Variants in PRKN observed in about 807,000 individuals in gnomAD.
PRKN encodes E3 ubiquitin-protein ligase parkin.
In PRKN, 56 loss-of-function variants were observed where a neutral mutation model predicts 59.5. The observed-to-expected ratio is 0.94, with a 90% CI of 0.76 to 1.18. PRKN has a LOEUF of 1.18. PRKN is among the 50% of genes most tolerant of loss of function. PRKN has a pLI of 0.00. For missense variants in PRKN, 657 were observed against 596.4 expected (o/e 1.10, Z -1.06); for synonymous variants, 250 against 222.1 (o/e 1.13, Z -1.12).
chr6:161,883,929 A>G (rs1583296891), intron 6 of PRKN, among the ~76,000 whole-genome samples: 1 of 152,318 alleles, frequency 6.6e-6, no homozygotes, highest in East Asian at 1.9e-4. Flanking sequence ...CTGGGATTAC[A>G]GGCATGAGCC....
intron 1 of PRKN, among the ~76,000 whole-genome samples, chr6:162,467,223 C>G (rs892453553): frequency 6.6e-6 from 1 of 152,124 alleles, no homozygotes; most frequent in Non-Finnish European, 1.5e-5. Flanking sequence ...ATATCAAACA[C>G]AATTCATCAT....
intron 1 of PRKN, among the ~76,000 whole-genome samples, chr6:162,610,859 T>C (rs1382915769): frequency 6.6e-6 from 1 of 152,166 alleles, no homozygotes; most frequent in East Asian, 1.9e-4. Context: ...GGTAACATTT[T>C]TTAAAAATCA....
At position 161,470,614 on chromosome 6, in the gene PRKN, C is replaced by G. The variant is rs917885344; in HGVS notation, c.1083+78240G>C. Among the ~76,000 whole-genome samples, 1 of 152,224 alleles carries G rather than the reference C, an allele frequency of 6.6e-6. No homozygotes were observed. The highest frequency in any genetic ancestry group is 1.5e-5 in the Non-Finnish European group (1 of 68,030). ...GCAAAGAGTCTGTGGAGCTAAAAAGCTGCACCCACAACAGCACATGCTTGC... is the reference window on the plus strand; with the variant it reads ...GCAAAGAGTCTGTGGAGCTAAAAAGGTGCACCCACAACAGCACATGCTTGC... On this transcript the variant is annotated intron_variant, in intron 9 of 11. Transcript: ENST00000366898. This position sits in a 1 kb window ranked among gnomAD's most constrained non-coding sequence, Gnocchi z 5.1.
chr6:162,557,651 A>T (rs1263578856), intron 1 of PRKN, among the ~76,000 whole-genome samples: 1 of 152,066 alleles, frequency 6.6e-6, no homozygotes, highest in Admixed American at 6.5e-5. Flanking sequence ...TGGGATTATC[A>T]GGCGCCCGCC....
chr6:162,435,240 C>CT (rs1395436468), intron 2 of PRKN, among the ~76,000 whole-genome samples: 1 of 152,126 alleles, frequency 6.6e-6, no homozygotes, highest in African/African-American at 2.4e-5. Context: ...CATTGCTTGC[C>CT]TTGGAATGTG....
chr6:162,603,724 T>C, intron 1 of PRKN, among the ~76,000 whole-genome samples: 1 of 152,146 alleles, frequency 6.6e-6, no homozygotes, highest in East Asian at 1.9e-4. Flanking sequence ...TTCTTTTTAC[T>C]GAGATGTATA....
Position 161,354,432 on chromosome 6 carries a change from A to G in PRKN, c.1286-4221T>C, listed in dbSNP as rs1784677117. On this transcript the variant is annotated intron_variant, in intron 11 of 11. Transcript: ENST00000366898. This position sits in a 1 kb window ranked among gnomAD's most constrained non-coding sequence, Gnocchi z 6.7. The stretch of plus-strand genomic sequence containing the variant: ...GGCTCCGGCCAGCAATTCTTCCACT[A>G]GATTTAATGAGAGCGTGGAAGTCCC... 6.6e-6 allele frequency among the ~76,000 whole-genome samples: 1 copy of G among 152,178 alleles called. No homozygotes were observed. Among genetic ancestry groups the G allele is most frequent in the Non-Finnish European group, 1.5e-5 (1 of 68,040 alleles).
intron 2 of PRKN, among the ~76,000 whole-genome samples, chr6:162,293,408 G>A (rs948507112): frequency 6.6e-6 from 1 of 152,200 alleles, no homozygotes; most frequent in Non-Finnish European, 1.5e-5. Flanking sequence ...ACACAGATTT[G>A]GAATTCTAAA....
chr6:162,031,918 AC>A (rs1326608070), intron 5 of PRKN, among the ~76,000 whole-genome samples: 3 of 152,086 alleles, frequency 2.0e-5, no homozygotes, highest in Non-Finnish European at 4.4e-5. Flanking sequence ...ATAATTCAGA[AC>A]CCAGTTAGCT....
At chr6:161,628,431 A>G (rs967063670) in intron 7 of PRKN, among the ~76,000 whole-genome samples, 3 of 152,210 alleles carry the variant, frequency 2.0e-5, no homozygotes, top group Non-Finnish European at 4.4e-5. Flanking sequence ...CCCTTTTATA[A>G]GAACACTAAT....
intron 2 of PRKN, among the ~76,000 whole-genome samples, chr6:162,407,692 C>T (rs1372305737): frequency 6.6e-6 from 1 of 152,088 alleles, no homozygotes; most frequent in East Asian, 1.9e-4. Context: ...GGGCTAATGA[C>T]TGACACAGTT....
At position 161,420,731 on chromosome 6, in the gene PRKN, A is replaced by G. The variant is rs115924602; in HGVS notation, c.1084-33854T>C. Among the ~76,000 whole-genome samples the G allele has an allele frequency of 3.2e-3, 480 of 152,088 alleles. 2 individuals are homozygous for G. Among genetic ancestry groups the G allele is most frequent in the African/African-American group, 0.011 (458 of 41,462 alleles). On this transcript the variant is annotated intron_variant, in intron 9 of 11. Transcript: ENST00000366898. ...CCCTATGTTGCCCAGTCTGGTTTCAAACTTCTGGGCTCCAGTGATTTCCCC... is the reference window on the plus strand; with the variant it reads ...CCCTATGTTGCCCAGTCTGGTTTCAGACTTCTGGGCTCCAGTGATTTCCCC...
chr6:162,670,481 C>G (rs1027422562), intron 1 of PRKN, among the ~76,000 whole-genome samples: 2 of 152,182 alleles, frequency 1.3e-5, no homozygotes, highest in African/African-American at 2.4e-5. Flanking sequence ...AGAACATGGT[C>G]ACAAAACAGC....
At chr6:162,265,914 C>A (rs532945487) in intron 2 of PRKN, among the ~76,000 whole-genome samples, 1 of 152,260 alleles carries the variant, frequency 6.6e-6, no homozygotes, top group South Asian at 2.1e-4. Flanking sequence ...TAATGGCAGA[C>A]AGTCCTCTAT....
intron 1 of PRKN, among the ~76,000 whole-genome samples, chr6:162,518,693 T>C (rs900936594): frequency 5.3e-5 from 8 of 152,240 alleles, no homozygotes; most frequent in East Asian, 3.9e-4. Context: ...GAGAAGCAAA[T>C]AGTCCTCTAA....
In PRKN at chr6:161,445,148, CCGCGGCGCTGA is replaced by C. The variant is rs1300070775; in HGVS notation, c.1084-58282_1084-58272del. ...CTTGACGTGCTCAGCCTCTCCAAAG[CCGCGGCGCTGA>C]CACAGCTCCCCCTGCACGAGTGTAC... On this transcript the variant is annotated intron_variant, in intron 9 of 11. Coordinates refer to ENST00000366898, the MANE Select transcript of PRKN (RefSeq NM_004562.3). The surrounding 1 kb of genome is among the most constrained non-coding windows in gnomAD (Gnocchi z 7.7). 6.6e-6 allele frequency among the ~76,000 whole-genome samples: 1 copy of C among 152,172 alleles called. No homozygotes were observed. The highest frequency in any genetic ancestry group is 1.5e-5 in the Non-Finnish European group (1 of 68,040).
chr6:162,010,308 T>C (rs1453566414), intron 5 of PRKN, among the ~76,000 whole-genome samples: 1 of 124,020 alleles, frequency 8.1e-6, no homozygotes, highest in Non-Finnish European at 1.6e-5. Context: ...ATTTATTATA[T>C]ATATTTTATA....
At chr6:162,375,578 A>C (rs1318932064) in intron 2 of PRKN, among the ~76,000 whole-genome samples, 1 of 152,106 alleles carries the variant, frequency 6.6e-6, no homozygotes, top group African/African-American at 2.4e-5. Context: ...CACCCAGTTA[A>C]GTATACTGTA....
At chr6:162,039,369 G>C (rs1783974571) in intron 5 of PRKN, among the ~76,000 whole-genome samples, 1 of 152,184 alleles carries the variant, frequency 6.6e-6, no homozygotes, top group Admixed American at 6.5e-5. Flanking sequence ...CATTGTTGGA[G>C]GTGGGGTCTG....
Sources: allele counts gnomAD v4.1 joint callset (sites outside exome capture counted in the v4.1 genomes callset), GRCh38; gene constraint gnomAD v4.1.1; non-coding constraint Gnocchi (gnomAD v3.1); transcripts MANE v1.5; gene names NCBI Gene and HGNC (gene_info 2026-07-23, HGNC 2026-07-21).